Variants in DOCK7 observed in about 807,000 individuals in gnomAD.
DOCK7 encodes the protein dedicator of cytokinesis protein 7.
DOCK7 carries 138 observed loss-of-function variants against 271.0 expected under a neutral mutation model. The ratio of observed to expected loss-of-function variants is 0.51; its 90% CI spans 0.44 to 0.59. DOCK7 has a LOEUF of 0.59. DOCK7 is among the 20% of genes least tolerant of loss of function. DOCK7 has a pLI of 0.00. For missense variants in DOCK7, 2,066 were observed against 2,592.4 expected (o/e 0.80, Z 4.41); for synonymous variants, 823 against 876.1 (o/e 0.94, Z 1.07).
At chr1:62,490,446 A>G (rs1306286360) in intron 41 of DOCK7, among the ~76,000 whole-genome samples, 1 of 152,078 alleles carries the variant, frequency 6.6e-6, no homozygotes, top group Non-Finnish European at 1.5e-5. Flanking sequence ...GAGAAGAGAG[A>G]GATGTTTTCC....
intron 19 of DOCK7, among the ~76,000 whole-genome samples, chr1:62,559,498 G>A (rs1646254066): frequency 6.6e-6 from 1 of 150,954 alleles, no homozygotes; most frequent in Non-Finnish European, 1.5e-5. Context: ...CAATTATTGT[G>A]GCAGGCATAT....
At chr1:62,660,951 T>C (rs1175865993) in intron 2 of DOCK7, among the ~76,000 whole-genome samples, 1 of 151,938 alleles carries the variant, frequency 6.6e-6, no homozygotes. Context: ...ATACAAAAAT[T>C]AGCCAGGCAT....
At chr1:62,586,083 A>G (rs1397094218) in intron 15 of DOCK7, among the ~76,000 whole-genome samples, 1 of 152,196 alleles carries the variant, frequency 6.6e-6, no homozygotes, top group Non-Finnish European at 1.5e-5. Context: ...ACACAGCCTC[A>G]TATACCACAC....
chr1:62,461,816 A>C (rs1645537306), intron 48 of DOCK7, among the ~76,000 whole-genome samples: 1 of 152,132 alleles, frequency 6.6e-6, no homozygotes, highest in South Asian at 2.1e-4. Flanking sequence ...TCATGCCTGT[A>C]ATCCCAGCAC....
At chr1:62,641,255 T>C (rs556828153) in intron 7 of DOCK7, 1 of 416,230 alleles carries the variant, frequency 2.4e-6, no homozygotes, top group Non-Finnish European at 4.7e-6. Context: ...CTTTCTCTTC[T>C]TCTCCATGGT....
intron 16 of DOCK7, among the ~76,000 whole-genome samples, chr1:62,580,246 GA>G (rs1647073221): frequency 6.6e-6 from 1 of 152,010 alleles, no homozygotes; most frequent in South Asian, 2.1e-4. Context: ...ATATTAAGTA[GA>G]ACAAGGCTTT....
At chr1:62,561,787 G>A in intron 18 of DOCK7, 84 bp from the exon 19 acceptor site, 1 of 709,182 alleles carries the variant, frequency 1.4e-6, no homozygotes, top group Non-Finnish European at 2.2e-6. Flanking sequence ...ATATCCCAAT[G>A]AGAAAAATAT....
At chr1:62,511,672 T>C (rs1432561851) in intron 33 of DOCK7, among the ~76,000 whole-genome samples, 1 of 152,142 alleles carries the variant, frequency 6.6e-6, no homozygotes, top group African/African-American at 2.4e-5. Context: ...CTCTATTTCT[T>C]CTAATTTCTT....
intron 48 of DOCK7, chr1:62,458,383 G>A (rs1313845148): frequency 6.6e-6 from 1 of 152,072 alleles, no homozygotes; most frequent in Non-Finnish European, 1.5e-5. Flanking sequence ...TTTACTTCCA[G>A]TGTCATTAAA....
intron 28 of DOCK7, among the ~76,000 whole-genome samples, chr1:62,536,525 C>T (rs1170650869): frequency 6.6e-6 from 1 of 152,118 alleles, no homozygotes; most frequent in African/African-American, 2.4e-5. Flanking sequence ...CAGCCTCATC[C>T]ATTAGATTAA....
chr1:62,505,659 A>T, intron 36 of DOCK7, 23 bp downstream of exon 36: 1 of 1,594,190 alleles, frequency 6.3e-7, no homozygotes, highest in African/African-American at 1.4e-5. Flanking sequence ...GTCTGACAAC[A>T]CTGCAGGTAC....
chr1:62,535,397 T>G, intron 29 of DOCK7, 96 bp downstream of exon 29: 1 of 1,034,590 alleles, frequency 9.7e-7, no homozygotes, highest in Non-Finnish European at 1.4e-6. Flanking sequence ...GTGTGAAAGA[T>G]TATTCTCCTA....
intron 34 of DOCK7, among the ~76,000 whole-genome samples, chr1:62,508,853 C>T (rs1005650484): frequency 6.6e-6 from 1 of 152,006 alleles, no homozygotes; most frequent in Admixed American, 6.6e-5. Context: ...AATAATTACA[C>T]ATGATTTATG....
intron 7 of DOCK7, among the ~76,000 whole-genome samples, chr1:62,639,423 A>ACC (rs1655697425): frequency 1.9e-5 from 2 of 107,586 alleles, no homozygotes; most frequent in African/African-American, 8.3e-5. Flanking sequence ...ACTTTGTAAT[A>ACC]CTCTTTTTTT....
intron 22 of DOCK7, among the ~76,000 whole-genome samples, chr1:62,545,605 T>A (rs1645678983): frequency 6.6e-6 from 1 of 152,124 alleles, no homozygotes; most frequent in South Asian, 2.1e-4. Context: ...ATTTACTCCT[T>A]CCTAATAATG....
At position 62,631,369 on chromosome 1, in the gene DOCK7, C is replaced by G; in HGVS notation, c.1153G>C (p.Asp385His). The G allele has an allele frequency of 6.2e-7, 1 of 1,607,916 alleles. No individual in the cohort carries two copies. The highest frequency in any genetic ancestry group is 8.5e-7 in the Non-Finnish European group (1 of 1,178,442). ...TTCCCAAGTCTTTGGCAAAACTGAT[C>G]TGCTTGACTCTTCAGTTTCTCCAGT... is the stretch of plus-strand genomic sequence containing the variant. ...EKLEKLKSQA[D>H]QFCQRLGKYR... The change falls in exon 11 of 50, where the codon GAT (aspartate) becomes CAT (histidine). Residue 385 changes from aspartate to histidine, a missense_variant. Coordinates refer to ENST00000635253, the MANE Select transcript of DOCK7 (RefSeq NM_001367561.1).
intron 48 of DOCK7, among the ~76,000 whole-genome samples, chr1:62,462,336 C>G (rs1022607741): frequency 3.9e-5 from 6 of 152,132 alleles, no homozygotes; most frequent in African/African-American, 1.4e-4. Context: ...CAGCCAAAAA[C>G]AGTCCTTCAA....
At chr1:62,527,823 C>T (rs1273828807) in intron 31 of DOCK7, among the ~76,000 whole-genome samples, 1 of 142,638 alleles carries the variant, frequency 7.0e-6, no homozygotes, top group Non-Finnish European at 1.5e-5. Flanking sequence ...CACATGTATA[C>T]ATATGTAACT....
chr1:62,485,169 T>A, intron 43 of DOCK7: 1 of 985,302 alleles, frequency 1.0e-6, no homozygotes, highest in South Asian at 4.7e-5. Context: ...ACAAACATGC[T>A]TTTACTTCCT....
Sources: gnomAD v4.1 joint callset for allele counts (sites outside exome capture counted in the v4.1 genomes callset) on GRCh38, gnomAD v4.1.1 for gene constraint, MANE v1.5 for transcripts, NCBI Gene and HGNC (gene_info 2026-07-23, HGNC 2026-07-21) for gene names.